The following PCDHGB3 variants were observed in gnomAD, a reference collection of about 807,000 sequenced individuals.
PCDHGB3 encodes protocadherin gamma subfamily B, 3.
A neutral mutation model predicts 59.2 loss-of-function variants in PCDHGB3; 40 were observed. The ratio of observed to expected loss-of-function variants is 0.68; its 90% CI spans 0.52 to 0.88. The LOEUF (loss-of-function observed/expected upper bound fraction) is 0.88. PCDHGB3 is among the 40% of genes least tolerant of loss of function. The probability of loss-of-function intolerance (pLI) is 0.00; values close to 1 mark genes in which losing one functional copy is unlikely to be tolerated. For missense variants in PCDHGB3, 1,309 were observed against 1,187.9 expected, an observed-to-expected ratio of 1.10 and a Z score of -1.50; for synonymous variants, 581 against 503.6, an observed-to-expected ratio of 1.15 and a Z score of -2.06.
intron 1 of PCDHGB3, among the ~76,000 whole-genome samples, chr5:141,433,482 C>T (rs935076625): frequency 3.3e-5 from 5 of 152,110 alleles, no homozygotes; most frequent in African/African-American, 9.6e-5. Flanking sequence ...TAGCCTCCTG[C>T]TTCTCCCTCC....
At position 141,371,994 on chromosome 5, in the gene PCDHGB3, G is replaced by T. The variant is rs769252405; in HGVS notation, c.1600G>T (p.Ala534Ser). The T allele has an allele frequency of 1.2e-6, 2 of 1,613,246 alleles. No individual in the cohort carries two copies. Among genetic ancestry groups the T allele is most frequent in the Non-Finnish European group, 1.7e-6 (2 of 1,179,762 alleles). Reference sequence around the variant, plus strand: ...GCGTGCCTTCGAGCTCACTCTGCAGGCCCGCGACCAGGGCTCGCCTACGCT... The same window carrying T: ...GCGTGCCTTCGAGCTCACTCTGCAGTCCCGCGACCAGGGCTCGCCTACGCT... ...QLRAFELTLQ[A>S]RDQGSPTLSA... The change falls in exon 1 of 4, where the codon GCC becomes TCC. Residue 534 changes from alanine to serine, a missense_variant. Coordinates refer to ENST00000576222, the MANE Select transcript of PCDHGB3 (RefSeq NM_018924.5).
intron 1 of PCDHGB3, chr5:141,420,202 C>T (rs2096476837): frequency 6.2e-7 from 1 of 1,613,136 alleles, no homozygotes. Flanking sequence ...AAGATAACCT[C>T]AACAAAGATA....
At chr5:141,457,677 T>C (rs1386991642) in intron 1 of PCDHGB3, among the ~76,000 whole-genome samples, 1 of 152,262 alleles carries the variant, frequency 6.6e-6, no homozygotes, top group Non-Finnish European at 1.5e-5. Flanking sequence ...TATTTCTACA[T>C]AGGACTTTTG....
At chr5:141,380,974 A>C (rs1008958709) in intron 1 of PCDHGB3, among the ~76,000 whole-genome samples, 4 of 152,262 alleles carry the variant, frequency 2.6e-5, no homozygotes, top group African/African-American at 9.6e-5. Context: ...TATTAAACAA[A>C]TAGAATTTAA....
rs540507159 is a variant in PCDHGB3 at position 141,422,671 on chromosome 5, A to G, written c.2415+49862A>G. On this transcript the variant is annotated intron_variant, in intron 1 of 3. Coordinates refer to ENST00000576222, the MANE Select transcript of PCDHGB3 (RefSeq NM_018924.5). The stretch of plus-strand genomic sequence containing the variant: ...CTCAGTGACCGCCCTCGACCCGGAC[A>G]GCAAACAGAATGCCCTGGTCACTTA... 4 of 1,607,248 alleles carry G rather than the reference A, an allele frequency of 2.5e-6. No homozygotes were observed. The Admixed American group carries it at 5.0e-5, about 20-fold the overall frequency.
chr5:141,500,498 C>T (rs1487770160), intron 2 of PCDHGB3, among the ~76,000 whole-genome samples: 5 of 152,120 alleles, frequency 3.3e-5, no homozygotes, highest in African/African-American at 7.2e-5. Context: ...CGTGAGCCAC[C>T]GCGCCTGGCC....
intron 1 of PCDHGB3, chr5:141,478,628 T>G (rs1245431927): frequency 6.4e-7 from 1 of 1,553,704 alleles, no homozygotes; most frequent in African/African-American, 1.4e-5. Context: ...GAGCTGTTTT[T>G]TTAGTGATGA....
chr5:141,451,716 T>C (rs947058540), intron 1 of PCDHGB3, among the ~76,000 whole-genome samples: 1 of 152,092 alleles, frequency 6.6e-6, no homozygotes, highest in Non-Finnish European at 1.5e-5. Context: ...ACCCTGCCTC[T>C]ACTAAAAATA....
In PCDHGB3 at chr5:141,463,518, G is replaced by A. The variant is rs537466389; in HGVS notation, c.2416-31289G>A. 5.7e-5 allele frequency among the ~76,000 whole-genome samples: 8 copies of A among 139,140 alleles called. No individual in the cohort carries two copies. The East Asian group carries it at 1.3e-3, about 22-fold the overall frequency. The allele number at this position is 139,140 out of a possible 152,430, so 91.3% of individuals were successfully genotyped here. On this transcript the variant is annotated intron_variant, in intron 1 of 3. Coordinates refer to ENST00000576222, the MANE Select transcript of PCDHGB3 (RefSeq NM_018924.5). The stretch of plus-strand genomic sequence containing the variant: ...GGCTGGAGTGACGTGGCGTGATCTC[G>A]GCTTACTAGAAACTCCGGCTCCCGG...
chr5:141,438,288 G>C (rs752722248), intron 1 of PCDHGB3, among the ~76,000 whole-genome samples: 18 of 151,902 alleles, frequency 1.2e-4, no homozygotes, highest in Non-Finnish European at 2.1e-4. Flanking sequence ...AATTTAATCT[G>C]TATGTAAAAG....
At chr5:141,468,841 G>C (rs1189145481) in intron 1 of PCDHGB3, among the ~76,000 whole-genome samples, 3 of 152,014 alleles carry the variant, frequency 2.0e-5, no homozygotes, top group Non-Finnish European at 4.4e-5. Flanking sequence ...ACTCCAGCCT[G>C]GGCAACAGAG....
Position 141,476,480 on chromosome 5 carries a change from G to A in PCDHGB3, c.2416-18327G>A, listed in dbSNP as rs761828753. 1 of 1,614,108 alleles carries A rather than the reference G, an allele frequency of 6.2e-7. No individual in the cohort carries two copies. The highest frequency in any genetic ancestry group is 2.2e-5 in the East Asian group (1 of 44,846). On this transcript the variant is annotated intron_variant, in intron 1 of 3. Transcript: ENST00000576222. This position sits in a 1 kb window ranked among gnomAD's most constrained non-coding sequence, Gnocchi z 7.6. ...GAACCCGCTGGAGCTGTTCAGCGTG[G>A]AAGTGGTGATCCAGGACATCAACGA...
intron 1 of PCDHGB3, chr5:141,415,000 T>G: frequency 6.2e-7 from 1 of 1,613,660 alleles, no homozygotes; most frequent in Non-Finnish European, 8.5e-7. Context: ...CGCCTGGCTG[T>G]CCTACCGTCT....
chr5:141,458,018 A>G (rs1361716104), intron 1 of PCDHGB3, among the ~76,000 whole-genome samples: 1 of 152,188 alleles, frequency 6.6e-6, no homozygotes, highest in Admixed American at 6.5e-5. Flanking sequence ...GGTTTTTCCA[A>G]TTGTGTTCTG....
rs1456184444 is a variant in PCDHGB3, at chr5:141,512,578, C to G, written c.*1405C>G. ...ATAGACCTTCTTCTCCCACCCCCTT[C>G]TGCCCCTGGGTCCCCGGCCATCCAG... On this transcript the variant is annotated 3_prime_UTR_variant, in exon 4 of 4. Coordinates refer to ENST00000576222, the MANE Select transcript of PCDHGB3 (RefSeq NM_018924.5). The G allele has an allele frequency of 6.5e-6, 1 of 153,062 alleles. No individual in the cohort carries two copies. The highest frequency in any genetic ancestry group is 1.5e-5 in the Non-Finnish European group (1 of 68,534). 9.5% of individuals were successfully genotyped at this position (153,062 alleles called of 1,614,324 possible). A position where few individuals can be genotyped will look rare whatever the true frequency, so the allele number is the denominator to read the frequency against.
At chr5:141,441,386 G>A (rs2098243752) in intron 1 of PCDHGB3, 1 of 153,358 alleles carries the variant, frequency 6.5e-6, no homozygotes, top group African/African-American at 2.4e-5. Flanking sequence ...ACAGACCCAA[G>A]GTATAACATC....
chr5:141,492,230 C>T (rs1286145654), intron 1 of PCDHGB3, among the ~76,000 whole-genome samples: 1 of 152,196 alleles, frequency 6.6e-6, no homozygotes. Flanking sequence ...CGTGTCCTCC[C>T]TGCTGGCCAC....
chr5:141,472,980 C>CAAAAAAAAA (rs60579131), intron 1 of PCDHGB3, among the ~76,000 whole-genome samples: 30 of 86,054 alleles, frequency 3.5e-4, no homozygotes, highest in African/African-American at 5.0e-4. Context: ...GAGTGAAACT[C>CAAAAAAAAA]AAAAAAAAAA....
rs748395200 is a variant in PCDHGB3, at chr5:141,374,991, CT to C, written c.2415+2184del. On this transcript the variant is annotated intron_variant, in intron 1 of 3. Transcript: ENST00000576222. Reference sequence around the variant, plus strand: ...AATGTTTTGACTGGAGAAATTTCAACTTCTGCAAATCTAGACTATGAGGACT... The same window carrying C: ...AATGTTTTGACTGGAGAAATTTCAACTCTGCAAATCTAGACTATGAGGACT... The C allele has an allele frequency of 5.6e-6, 9 of 1,613,918 alleles. No individual in the cohort carries two copies. In the East Asian group the frequency reaches 2.0e-4, roughly 36 times the overall value.
Sources: allele counts gnomAD v4.1 joint callset (sites outside exome capture counted in the v4.1 genomes callset), GRCh38; gene constraint gnomAD v4.1.1; non-coding constraint Gnocchi (gnomAD v3.1); transcripts MANE v1.5; gene names NCBI Gene and HGNC (gene_info 2026-07-23, HGNC 2026-07-21).